The following COQ10B variants were observed in gnomAD, a reference collection of about 807,000 sequenced individuals.
COQ10B encodes coenzyme Q-binding protein COQ10 homolog B, mitochondrial.
COQ10B carries 12 observed loss-of-function variants against 27.6 expected under a neutral mutation model. That is an observed-to-expected ratio of 0.43 (90% CI 0.28 to 0.70). COQ10B has a LOEUF of 0.70. COQ10B is among the 30% of genes least tolerant of loss of function. The pLI, the probability that COQ10B is intolerant of heterozygous loss-of-function variation, is 0.17. For missense variants in COQ10B, 278 were observed against 288.7 expected (o/e 0.96, Z 0.27); for synonymous variants, 115 against 103.0 (o/e 1.12, Z -0.71).
intron 2 of COQ10B, among the ~76,000 whole-genome samples, chr2:197,461,429 G>A: frequency 6.6e-6 from 1 of 152,158 alleles, no homozygotes; most frequent in Admixed American, 6.6e-5. Flanking sequence ...GGGAATTGTT[G>A]CTCCTGATGG....
At position 197,459,953 on chromosome 2, in the gene COQ10B, ACTGATGAGCAGAACT is replaced by A. The variant is rs2085738083; in HGVS notation, c.129_143del (p.Met44_Leu48del). On this transcript the variant is annotated inframe_deletion, in exon 2 of 5. Coordinates refer to ENST00000263960, the MANE Select transcript of COQ10B (RefSeq NM_025147.5). ...TCAGATATTTAGCTTCCTGTGGTAT[ACTGATGAGCAGAACT>A]CTTCCACTACATACCTCAATTTTGC... The A allele has an allele frequency of 1.2e-6, 2 of 1,608,108 alleles. No homozygotes were observed. The highest frequency in any genetic ancestry group is 1.3e-5 in the African/African-American group (1 of 74,658).
At chr2:197,473,632 G>T in intron 4 of COQ10B, 125 bp from the exon 5 acceptor site, 1 of 597,976 alleles carries the variant, frequency 1.7e-6, no homozygotes, top group Non-Finnish European at 2.7e-6. Flanking sequence ...GCTGCAGTGA[G>T]CCGCAATTGT....
intron 3 of COQ10B, among the ~76,000 whole-genome samples, chr2:197,463,998 C>T (rs2564387): frequency 0.14 from 7,308 of 53,238 alleles, 282 homozygotes; most frequent in Non-Finnish European, 0.17. Flanking sequence ...TATATATATA[C>T]ACACACACAC....
intron 3 of COQ10B, among the ~76,000 whole-genome samples, chr2:197,465,819 C>T (rs2085819417): frequency 6.6e-6 from 1 of 152,104 alleles, no homozygotes; most frequent in African/African-American, 2.4e-5. Flanking sequence ...GATGTGGTGG[C>T]TAACACCTGT....
rs113443493 is a variant in COQ10B at position 197,461,405 on chromosome 2, T to G, written c.255-1134T>G. Among the ~76,000 whole-genome samples, 12 of 152,190 alleles carry G rather than the reference T, an allele frequency of 7.9e-5. 1 individual carries two copies. The highest frequency in any genetic ancestry group is 2.9e-4 in the African/African-American group (12 of 41,520). On this transcript the variant is annotated intron_variant, in intron 2 of 4. Coordinates refer to ENST00000263960, the MANE Select transcript of COQ10B (RefSeq NM_025147.5). ...TAATTGTGACCCCATCTAAACGCAG[T>G]GGAAATGAGGACTGGGAATTGTTGC...
At position 197,473,797 on chromosome 2, in the gene COQ10B, CCA is replaced by C. The variant is rs1288587822; in HGVS notation, c.594_595del (p.Phe201Ter). ...CGATCACTTCTACATTCCCAGCTTGCCACACTCTTTTTTGATGAAGTTGTGAA... is the reference window on the plus strand; with the variant it reads ...CGATCACTTCTACATTCCCAGCTTGCCACTCTTTTTTGATGAAGTTGTGAA... On this transcript the variant is annotated frameshift_variant, in exon 5 of 5. Transcript: ENST00000263960. LOFTEE classifies it high-confidence loss of function. 6.3e-7 allele frequency: 1 copy of C among 1,592,626 alleles called. No individual in the cohort carries two copies.
At chr2:197,453,852 A>G in intron 1 of COQ10B, 188 bp downstream of exon 1, 1 of 1,210,928 alleles carries the variant, frequency 8.3e-7, no homozygotes, top group Non-Finnish European at 1.2e-6. Flanking sequence ...CTTGGGCCCA[A>G]GGCTGTGTTC....
At position 197,456,589 on chromosome 2, in the gene COQ10B, C is replaced by A. The variant is rs886680424; in HGVS notation, c.104+2925C>A. On this transcript the variant is annotated intron_variant, in intron 1 of 4. Transcript: ENST00000263960. ...ACCATCCTGGCTAACACAGTGAAAC[C>A]CCATCTCAACTAAAAATACAAAAAA... Among the ~76,000 whole-genome samples, 6 of 151,230 alleles carry A rather than the reference C, an allele frequency of 4.0e-5. No individual in the cohort carries two copies. The Admixed American group carries it at 4.0e-4, about 10-fold the overall frequency.
intron 1 of COQ10B, among the ~76,000 whole-genome samples, chr2:197,458,561 T>G (rs2085723978): frequency 6.6e-6 from 1 of 152,182 alleles, no homozygotes; most frequent in South Asian, 2.1e-4. Context: ...CAGTCTTAAC[T>G]TAGAATAGGA....
chr2:197,457,940 A>G (rs2085717136), intron 1 of COQ10B, among the ~76,000 whole-genome samples: 1 of 151,986 alleles, frequency 6.6e-6, no homozygotes, highest in Admixed American at 6.6e-5. Context: ...ATTTTAACAG[A>G]TAGTCATGTA....
intron 3 of COQ10B, among the ~76,000 whole-genome samples, chr2:197,465,779 T>C (rs1162246542): frequency 6.6e-6 from 1 of 151,850 alleles, no homozygotes; most frequent in Non-Finnish European, 1.5e-5. Flanking sequence ...CAAGTAAGAC[T>C]CCATCTCTAA....
chr2:197,467,563 G>T (rs901361187), intron 3 of COQ10B, among the ~76,000 whole-genome samples: 2 of 151,874 alleles, frequency 1.3e-5, no homozygotes, highest in Admixed American at 6.6e-5. Context: ...TTTTAGTAGA[G>T]ACGGGGTTTC....
At chr2:197,467,535 G>GC (rs2085837604) in intron 3 of COQ10B, among the ~76,000 whole-genome samples, 1 of 152,032 alleles carries the variant, frequency 6.6e-6, no homozygotes, top group Admixed American at 6.6e-5. Flanking sequence ...GCGCCACCAC[G>GC]CCCAGCTAAT....
intron 4 of COQ10B, among the ~76,000 whole-genome samples, chr2:197,473,400 CA>C (rs2085899987): frequency 4.0e-5 from 2 of 50,444 alleles, no homozygotes; most frequent in East Asian, 8.5e-4. Context: ...CGCCCCCCCC[CA>C]CAAAAAAAAA....
chr2:197,461,792 C>T (rs534905734), intron 2 of COQ10B, among the ~76,000 whole-genome samples: 3 of 152,086 alleles, frequency 2.0e-5, no homozygotes, highest in South Asian at 2.1e-4. Flanking sequence ...AAGCGTGTGC[C>T]ACCACACCTG....
At position 197,462,616 on chromosome 2, in the gene COQ10B, C is replaced by T; in HGVS notation, c.332C>T (p.Ser111Leu). 8 of 1,598,728 alleles carry T rather than the reference C, an allele frequency of 5.0e-6. No homozygotes were observed. The highest frequency in any genetic ancestry group is 6.0e-6 in the Non-Finnish European group (7 of 1,169,686). Residue 111 changes from serine (S) to leucine (L), a missense_variant, in exon 3 of 5, where the codon TCA becomes TTA. Around this residue, in one of 3 missense-constraint regions of COQ10B, gnomAD observed 183 missense variants for 158.2 expected, o/e 1.16. Coordinates refer to ENST00000263960, the MANE Select transcript of COQ10B (RefSeq NM_025147.5). ...YKHFVPWCKK[S>L]DVISKRSGYC... ...CATTTTGTTCCTTGGTGCAAAAAAT[C>T]AGATGTTATATCAAAGAGATCTGGA... is the stretch of plus-strand genomic sequence containing the variant.
chr2:197,459,269 C>G (rs898675118), intron 1 of COQ10B, among the ~76,000 whole-genome samples: 2 of 152,140 alleles, frequency 1.3e-5, no homozygotes, highest in Non-Finnish European at 2.9e-5. Context: ...TGTATTCAAG[C>G]GATCCTGCTG....
intron 3 of COQ10B, among the ~76,000 whole-genome samples, chr2:197,463,778 C>T (rs760037933): frequency 6.1e-5 from 9 of 148,682 alleles, no homozygotes; most frequent in Non-Finnish European, 8.9e-5. Flanking sequence ...ACTAAAAATA[C>T]GAAAAAATTA....
At chr2:197,460,210 CTT>C (rs781514263) in intron 2 of COQ10B, 129 bp downstream of exon 2, 3,326 of 369,232 alleles carry the variant, frequency 9.0e-3, no homozygotes, top group South Asian at 0.011. Context: ...TGGCCTTTTT[CTT>C]TTTTTTTTTT....
Sources: gnomAD v4.1 joint callset for allele counts (sites outside exome capture counted in the v4.1 genomes callset) on GRCh38, gnomAD v4.1.1 for gene constraint, gnomAD v4.1.1 regional missense constraint, MANE v1.5 for transcripts, NCBI Gene and HGNC (gene_info 2026-07-23, HGNC 2026-07-21) for gene names.